SPHKAP: variants seen among roughly 807,000 people sequenced by gnomAD.
The protein encoded by SPHKAP is SPHK1 interactor, AKAP domain containing, also known as A-kinase anchor protein SPHKAP.
A neutral mutation model predicts 137.5 loss-of-function variants in SPHKAP; 67 were observed. That is an observed-to-expected ratio of 0.49 (90% CI 0.40 to 0.60). SPHKAP has a LOEUF of 0.60. Ranked by LOEUF, SPHKAP falls within the 20% of genes least tolerant of loss-of-function variation. SPHKAP has a pLI of 0.00. For synonymous variants in SPHKAP, 813 were observed against 785.3 expected, an observed-to-expected ratio of 1.04 and a Z score of -0.59; for missense variants, 2,097 against 2,069.3, an observed-to-expected ratio of 1.01 and a Z score of -0.26.
At chr2:228,140,697 TG>T (rs907604929) in intron 1 of SPHKAP, among the ~76,000 whole-genome samples, 1 of 152,042 alleles carries the variant, frequency 6.6e-6, no homozygotes, top group African/African-American at 2.4e-5. Flanking sequence ...GATTGGATCA[TG>T]GGGGGGTGGA....
chr2:228,112,001 T>C (rs1392958167), intron 2 of SPHKAP, among the ~76,000 whole-genome samples: 1 of 152,160 alleles, frequency 6.6e-6, no homozygotes, highest in Non-Finnish European at 1.5e-5. Context: ...AGGAAACTTT[T>C]TGTGATGTAA....
At chr2:228,164,266 G>GTT (rs1362896632) in intron 1 of SPHKAP, among the ~76,000 whole-genome samples, 1 of 152,154 alleles carries the variant, frequency 6.6e-6, no homozygotes, top group Non-Finnish European at 1.5e-5. Context: ...AGGCTGCACT[G>GTT]TTGGCTTCCC....
chr2:228,023,710 A>C (rs1399439312), intron 5 of SPHKAP, among the ~76,000 whole-genome samples: 1 of 152,236 alleles, frequency 6.6e-6, no homozygotes, highest in Non-Finnish European at 1.5e-5. Flanking sequence ...AAAATGAATC[A>C]GACAATTGCT....
intron 3 of SPHKAP, among the ~76,000 whole-genome samples, chr2:228,030,896 A>G (rs1354320855): frequency 6.6e-6 from 1 of 152,096 alleles, no homozygotes; most frequent in Non-Finnish European, 1.5e-5. Flanking sequence ...ATGTTTTACG[A>G]GGGTGGAGCC....
intron 11 of SPHKAP, among the ~76,000 whole-genome samples, chr2:227,984,658 A>G (rs1230810117): frequency 6.6e-6 from 1 of 152,188 alleles, no homozygotes; most frequent in African/African-American, 2.4e-5. Flanking sequence ...GGCTAAAATG[A>G]CAGCTTTTGT....
At chr2:228,057,873 C>T (rs986682908) in intron 3 of SPHKAP, among the ~76,000 whole-genome samples, 4 of 152,024 alleles carry the variant, frequency 2.6e-5, no homozygotes, top group East Asian at 3.9e-4. Flanking sequence ...AAGGCCCCAT[C>T]GGTCGGAAGC....
At chr2:228,046,809 GA>G (rs1559145475) in intron 3 of SPHKAP, among the ~76,000 whole-genome samples, 1 of 152,128 alleles carries the variant, frequency 6.6e-6, no homozygotes, top group South Asian at 2.1e-4. Context: ...AGGGCCTTCA[GA>G]AAAGCCTCAA....
chr2:227,995,390 CT>C (rs1693598339), intron 8 of SPHKAP, 118 bp downstream of exon 8: 13 of 1,283,380 alleles, frequency 1.0e-5, no homozygotes, highest in Middle Eastern at 1.9e-4. Context: ...GGGAACTTTC[CT>C]TTTTTTGTTC....
At chr2:228,087,684 A>G (rs1422953044) in intron 3 of SPHKAP, among the ~76,000 whole-genome samples, 1 of 152,216 alleles carries the variant, frequency 6.6e-6, no homozygotes, top group Non-Finnish European at 1.5e-5. Context: ...AGAGCTCAAC[A>G]GTAGATTTGA....
At chr2:228,093,872 A>C (rs1005955373) in intron 3 of SPHKAP, among the ~76,000 whole-genome samples, 15 of 150,020 alleles carry the variant, frequency 1.0e-4, no homozygotes, top group African/African-American at 3.0e-4. Flanking sequence ...AAAAAAAAAA[A>C]AAAAAAAAAA....
chr2:228,060,883 C>A (rs192190948), intron 3 of SPHKAP, among the ~76,000 whole-genome samples: 1 of 151,898 alleles, frequency 6.6e-6, no homozygotes, highest in African/African-American at 2.4e-5. Flanking sequence ...AATGGGTGAC[C>A]GAGAAAGGAC....
At chr2:228,147,516 G>A (rs2106394486) in intron 1 of SPHKAP, among the ~76,000 whole-genome samples, 1 of 152,268 alleles carries the variant, frequency 6.6e-6, no homozygotes, top group South Asian at 2.1e-4. Flanking sequence ...GTCAAAGTCT[G>A]AACATTTCTT....
chr2:228,075,648 G>T (rs141339666), intron 3 of SPHKAP, among the ~76,000 whole-genome samples: 1 of 151,896 alleles, frequency 6.6e-6, no homozygotes, highest in African/African-American at 2.4e-5. Flanking sequence ...AAATGATGCC[G>T]GATTACTCTT....
At chr2:228,152,972 T>A (rs1340215961) in intron 1 of SPHKAP, among the ~76,000 whole-genome samples, 2 of 152,144 alleles carry the variant, frequency 1.3e-5, no homozygotes, top group Admixed American at 6.5e-5. Flanking sequence ...CCCCTATAAC[T>A]GTTCTCGTGG....
Position 228,163,240 on chromosome 2 carries a change from G to T in SPHKAP, c.32+18327C>A, listed in dbSNP as rs1700328200. ...TTTTTCTGGTAGGTTTTAGATTTTT[G>T]CACTACCCCAGTGAATGACTGCAAT... is the stretch of plus-strand genomic sequence containing the variant. On this transcript the variant is annotated intron_variant, in intron 1 of 11. Transcript: ENST00000392056. Among the ~76,000 whole-genome samples the T allele has an allele frequency of 2.0e-5, 3 of 152,180 alleles. 1 individual carries two copies. In the South Asian group the frequency reaches 6.2e-4, roughly 32 times the overall value.
At chr2:228,056,083 C>T (rs1696431203) in intron 3 of SPHKAP, among the ~76,000 whole-genome samples, 1 of 152,220 alleles carries the variant, frequency 6.6e-6, no homozygotes, top group African/African-American at 2.4e-5. Context: ...CTCTTAAGTG[C>T]TATGCCCTCA....
At chr2:228,010,543 A>G (rs1439422480) in intron 7 of SPHKAP, among the ~76,000 whole-genome samples, 1 of 152,174 alleles carries the variant, frequency 6.6e-6, no homozygotes, top group Non-Finnish European at 1.5e-5. Flanking sequence ...AAAACAAAAG[A>G]AAACAATTGT....
chr2:228,092,140 C>CATAT (rs1697765900), intron 3 of SPHKAP, among the ~76,000 whole-genome samples: 1 of 63,936 alleles, frequency 1.6e-5, no homozygotes, highest in Admixed American at 1.6e-4. Flanking sequence ...TATGTGTGTA[C>CATAT]ACATATATAC....
Position 228,016,395 on chromosome 2 carries a change from G to C in SPHKAP, c.4448+11C>G. ...ACATGCACCCTATGTAGTCTGAGAC[G>C]ATTCACTCACCTATGGATTTGACAA... is the stretch of plus-strand genomic sequence containing the variant. On this transcript the variant is annotated intron_variant, in intron 7 of 11. Coordinates refer to ENST00000392056, the MANE Select transcript of SPHKAP (RefSeq NM_001142644.2). 6.4e-7 allele frequency: 1 copy of C among 1,566,758 alleles called. No homozygotes were observed. Among genetic ancestry groups the C allele is most frequent in the South Asian group, 1.2e-5 (1 of 81,932 alleles).
Sources: gnomAD v4.1 joint callset for allele counts (sites outside exome capture counted in the v4.1 genomes callset) on GRCh38, gnomAD v4.1.1 for gene constraint, MANE v1.5 for transcripts, NCBI Gene and HGNC (gene_info 2026-07-23, HGNC 2026-07-21) for gene names.